The following WWOX variants were observed in gnomAD, a reference collection of about 807,000 sequenced individuals.
The protein encoded by WWOX is WW domain containing oxidoreductase, also known as WW domain-containing oxidoreductase.
WWOX carries 69 observed loss-of-function variants against 46.2 expected under a neutral mutation model. The observed-to-expected ratio is 1.49, with a 90% confidence interval of 1.23 to 1.82. The LOEUF is 1.82. WWOX is among the 40% of genes most tolerant of loss of function. The pLI is 0.00. For synonymous variants in WWOX, 359 were observed against 202.6 expected (o/e 1.77, Z -6.56); for missense variants, 919 against 542.6 (o/e 1.69, Z -6.89).
intron 8 of WWOX, among the ~76,000 whole-genome samples, chr16:78,437,265 G>A (rs767589577): frequency 2.0e-5 from 3 of 152,166 alleles, no homozygotes; most frequent in South Asian, 2.1e-4. Flanking sequence ...GGTGATTTTA[G>A]TTACAGTAAT....
At chr16:78,101,539 T>TC (rs1428449726) in intron 1 of WWOX, among the ~76,000 whole-genome samples, 1 of 151,936 alleles carries the variant, frequency 6.6e-6, no homozygotes, top group Non-Finnish European at 1.5e-5. Context: ...CCGGCTGGTC[T>TC]CCAACTCCTG....
At chr16:79,074,200 G>C (rs2048606293) in intron 8 of WWOX, among the ~76,000 whole-genome samples, 1 of 151,870 alleles carries the variant, frequency 6.6e-6, no homozygotes, top group Admixed American at 6.6e-5. Flanking sequence ...AGATAGAAGA[G>C]CAAATATGTG....
chr16:78,382,465 A>G (rs1371158350), intron 5 of WWOX, among the ~76,000 whole-genome samples: 5 of 152,170 alleles, frequency 3.3e-5, no homozygotes, highest in Non-Finnish European at 7.3e-5. Flanking sequence ...TGAGCAAGTC[A>G]TAATTCTGGG....
chr16:78,813,223 A>G (rs1471849317), intron 8 of WWOX, among the ~76,000 whole-genome samples: 2 of 151,850 alleles, frequency 1.3e-5, no homozygotes, highest in East Asian at 3.9e-4. Flanking sequence ...AGCGTTACCT[A>G]CCTCACAGAG....
chr16:78,864,551 G>A (rs968300584), intron 8 of WWOX, among the ~76,000 whole-genome samples: 4 of 152,104 alleles, frequency 2.6e-5, no homozygotes, highest in Non-Finnish European at 5.9e-5. Context: ...TTATAGGCAT[G>A]AGCCACTGCA....
intron 8 of WWOX, among the ~76,000 whole-genome samples, chr16:78,963,084 T>C (rs981812178): frequency 1.3e-5 from 2 of 152,186 alleles, no homozygotes; most frequent in Non-Finnish European, 2.9e-5. Context: ...ATGCACCACC[T>C]AGATTCTACA....
At chr16:78,339,355 T>A (rs530996036) in intron 5 of WWOX, among the ~76,000 whole-genome samples, 1 of 93,094 alleles carries the variant, frequency 1.1e-5, no homozygotes, top group East Asian at 2.1e-4. Context: ...AAATCTCAGT[T>A]CCTTTTATTA....
intron 5 of WWOX, among the ~76,000 whole-genome samples, chr16:78,194,359 G>T (rs535365705): frequency 6.6e-6 from 1 of 151,430 alleles, no homozygotes; most frequent in Non-Finnish European, 1.5e-5. Flanking sequence ...AGGCCGAGGC[G>T]GGTGGATCAC....
chr16:78,383,009 G>T (rs2081987480), intron 5 of WWOX, among the ~76,000 whole-genome samples: 1 of 151,278 alleles, frequency 6.6e-6, no homozygotes, highest in African/African-American at 2.4e-5. Flanking sequence ...GCAGGAGCAG[G>T]AGGACGAATA....
At chr16:78,548,004 A>G (rs1003013323) in intron 8 of WWOX, among the ~76,000 whole-genome samples, 1 of 151,832 alleles carries the variant, frequency 6.6e-6, no homozygotes, top group Non-Finnish European at 1.5e-5. Flanking sequence ...ACATTTTAAA[A>G]ATTAGCCGGG....
intron 7 of WWOX, among the ~76,000 whole-genome samples, chr16:78,431,933 C>G (rs370673598): frequency 9.9e-5 from 15 of 152,224 alleles, no homozygotes; most frequent in East Asian, 3.9e-4. Context: ...CTAAGCTGGT[C>G]TTGAACTCCT....
intron 8 of WWOX, among the ~76,000 whole-genome samples, chr16:79,156,628 C>G (rs141168977): frequency 1.1e-4 from 17 of 152,138 alleles, no homozygotes; most frequent in South Asian, 4.2e-4. Flanking sequence ...GTGAAGCACA[C>G]ACAGCTGTTA....
intron 8 of WWOX, among the ~76,000 whole-genome samples, chr16:78,889,123 T>G (rs2044532162): frequency 6.6e-6 from 1 of 152,196 alleles, no homozygotes; most frequent in South Asian, 2.1e-4. Flanking sequence ...TGGAGTCGAC[T>G]CTGTGTCCCA....
intron 8 of WWOX, among the ~76,000 whole-genome samples, chr16:78,941,948 G>C (rs142735147): frequency 1.3e-5 from 2 of 152,092 alleles, no homozygotes; most frequent in South Asian, 2.1e-4. Flanking sequence ...ACATTGTGCT[G>C]TATTCCGTAG....
intron 5 of WWOX, among the ~76,000 whole-genome samples, chr16:78,251,203 A>T (rs922980488): frequency 4.6e-5 from 7 of 152,142 alleles, no homozygotes; most frequent in African/African-American, 1.7e-4. Flanking sequence ...TGCTGTTAGG[A>T]GGAGGAGGAA....
At chr16:78,411,305 A>G (rs995059282) in intron 6 of WWOX, among the ~76,000 whole-genome samples, 1 of 152,152 alleles carries the variant, frequency 6.6e-6, no homozygotes, top group African/African-American at 2.4e-5. Flanking sequence ...TTTAATGTTG[A>G]GTAATATGCC....
At chr16:78,916,854 T>C (rs1386222826) in intron 8 of WWOX, among the ~76,000 whole-genome samples, 1 of 152,196 alleles carries the variant, frequency 6.6e-6, no homozygotes, top group Non-Finnish European at 1.5e-5. Flanking sequence ...CGATAGCAAG[T>C]AGAAGAAATG....
chr16:78,299,014 C>T (rs1057479334), intron 5 of WWOX, among the ~76,000 whole-genome samples: 2 of 152,116 alleles, frequency 1.3e-5, no homozygotes, highest in Admixed American at 6.6e-5. Flanking sequence ...AAAGGATGAG[C>T]TGGGTTGCAG....
chr16:78,123,130 A>C (rs1032089621), intron 4 of WWOX: 4 of 152,120 alleles, frequency 2.6e-5, no homozygotes, highest in Non-Finnish European at 5.9e-5. Context: ...ATGAAGTTCA[A>C]ACTGAAGACT....
Sources: allele counts gnomAD v4.1 joint callset (sites outside exome capture counted in the v4.1 genomes callset), GRCh38; gene constraint gnomAD v4.1.1; transcripts MANE v1.5; gene names NCBI Gene and HGNC (gene_info 2026-07-23, HGNC 2026-07-21).